The following LATS1 variants were observed in gnomAD, a reference collection of about 807,000 sequenced individuals.
LATS1 encodes serine/threonine-protein kinase LATS1.
A neutral mutation model predicts 106.6 loss-of-function variants in LATS1; 25 were observed. That is an observed-to-expected ratio of 0.23 (90% CI 0.17 to 0.33). LATS1 has a LOEUF of 0.33. Ranked by LOEUF, LATS1 falls within the 10% of genes least tolerant of loss-of-function variation. The probability of loss-of-function intolerance (pLI) is 1.00; values close to 1 mark genes in which losing one functional copy is unlikely to be tolerated. For missense variants in LATS1, 1,040 were observed against 1,382.6 expected (o/e 0.75, Z 3.93); for synonymous variants, 465 against 455.6 (o/e 1.02, Z -0.26).
At chr6:149,662,300 A>G (rs1297574482) in intron 7 of LATS1, 62 bp from the exon 8 acceptor site, 1 of 1,327,516 alleles carries the variant, frequency 7.5e-7, no homozygotes, top group Non-Finnish European at 1.0e-6. Context: ...ATTTCCTTCA[A>G]GTTTTATACC....
chr6:149,679,204 A>G (rs1384683673), intron 5 of LATS1, among the ~76,000 whole-genome samples: 4 of 152,136 alleles, frequency 2.6e-5, no homozygotes, highest in African/African-American at 4.8e-5. Flanking sequence ...AGTACTGATA[A>G]TCTAGTTCTT....
At chr6:149,671,982 A>G (rs568137025) in intron 7 of LATS1, among the ~76,000 whole-genome samples, 3 of 151,636 alleles carry the variant, frequency 2.0e-5, no homozygotes, top group African/African-American at 7.3e-5. Flanking sequence ...TCCTCCTCCC[A>G]GATTCAAGCT....
chr6:149,717,122 G>A (rs757296135), intron 1 of LATS1, among the ~76,000 whole-genome samples: 17 of 152,076 alleles, frequency 1.1e-4, no homozygotes, highest in Non-Finnish European at 2.4e-4. Context: ...ACTTCTGGAG[G>A]ATGATACATG....
At chr6:149,674,494 C>G (rs141698854) in intron 7 of LATS1, among the ~76,000 whole-genome samples, 1 of 152,228 alleles carries the variant, frequency 6.6e-6, no homozygotes, top group Non-Finnish European at 1.5e-5. Flanking sequence ...ACCTTAGCCT[C>G]CCAGGTAGCT....
At chr6:149,687,875 T>TG (rs1258928480) in intron 3 of LATS1, among the ~76,000 whole-genome samples, 3 of 142,604 alleles carry the variant, frequency 2.1e-5, no homozygotes, top group African/African-American at 7.7e-5. Context: ...ACCCTCCTCT[T>TG]TTTTTTTTTT....
chr6:149,709,243 C>G (rs775150122), intron 1 of LATS1, among the ~76,000 whole-genome samples: 3 of 152,176 alleles, frequency 2.0e-5, no homozygotes, highest in Non-Finnish European at 4.4e-5. Flanking sequence ...CTGACCAGCA[C>G]TAACATTAAA....
At chr6:149,678,208 G>A (rs1425463744) in intron 5 of LATS1, among the ~76,000 whole-genome samples, 1 of 149,148 alleles carries the variant, frequency 6.7e-6, no homozygotes, top group African/African-American at 2.5e-5. Context: ...GCCGGGCGTG[G>A]TTGCCGGCGG....
At chr6:149,679,329 A>G (rs934175878) in intron 5 of LATS1, among the ~76,000 whole-genome samples, 2 of 152,224 alleles carry the variant, frequency 1.3e-5, no homozygotes, top group Middle Eastern at 3.4e-3. Flanking sequence ...AGACAGGTGG[A>G]TCACCTGAGG....
Position 149,684,159 on chromosome 6 carries a change from C to T in LATS1, c.930G>A (p.Met310Ile). 1 of 1,614,198 alleles carries T rather than the reference C, an allele frequency of 6.2e-7. No homozygotes were observed. The highest frequency in any genetic ancestry group is 1.3e-5 in the African/African-American group (1 of 75,054). ...CTCTCTGTCCTTGATTAGGAGGATT[C>T]ATGGGGGAAGTGTTGAGAGGTGGTG... ...YPPPPLNTSP[M>I]NPPNQGQRGI... The change falls in exon 4 of 8, where the codon ATG becomes ATA. Residue 310 changes from methionine to isoleucine, a missense_variant. Physicochemically the swap from Met to Ile is conservative, Grantham distance 10. Around this residue, in one of 7 missense-constraint regions of LATS1, gnomAD observed 624 missense variants for 714.8 expected, o/e 0.87. Transcript: ENST00000543571.
intron 5 of LATS1, among the ~76,000 whole-genome samples, chr6:149,678,633 T>C (rs1164276745): frequency 1.3e-5 from 2 of 152,202 alleles, no homozygotes; most frequent in Non-Finnish European, 2.9e-5. Context: ...TTAGAATATA[T>C]GGTTAAGCAC....
At chr6:149,711,499 G>A (rs1211302841) in intron 1 of LATS1, among the ~76,000 whole-genome samples, 1 of 152,074 alleles carries the variant, frequency 6.6e-6, no homozygotes, top group Non-Finnish European at 1.5e-5. Context: ...AGCGGAGATT[G>A]TGCCACTGCA....
intron 5 of LATS1, among the ~76,000 whole-genome samples, chr6:149,677,204 G>A (rs1444603457): frequency 6.6e-6 from 1 of 152,190 alleles, no homozygotes; most frequent in Admixed American, 6.5e-5. Context: ...TCAACACAGG[G>A]TGATGTAACA....
At position 149,683,170 on chromosome 6, in the gene LATS1, T is replaced by G; in HGVS notation, c.1919A>C (p.Lys640Thr). ...RIQSYSPQAF[K>T]FFMEQHVENV... is the part of the protein sequence containing the mutation. Reference sequence around the variant, plus strand: ...TTCTACATGTTGCTCCATAAAGAATTTAAATGCTTGAGGAGAATAACTTTG... The same window carrying G: ...TTCTACATGTTGCTCCATAAAGAATGTAAATGCTTGAGGAGAATAACTTTG... Residue 640 changes from lysine to threonine, a missense_variant, in exon 4 of 8, where the codon AAA becomes ACA. Around this residue, in one of 7 missense-constraint regions of LATS1, gnomAD observed 167 missense variants for 332.1 expected, o/e 0.50. Coordinates refer to ENST00000543571, the MANE Select transcript of LATS1 (RefSeq NM_004690.4). The G allele has an allele frequency of 6.2e-7, 1 of 1,613,934 alleles. No individual in the cohort carries two copies.
rs1252417622 is a variant in LATS1 at position 149,718,092 on chromosome 6, G to C, written c.-384C>G. On this transcript the variant is annotated 5_prime_UTR_variant, in exon 1 of 8. Coordinates refer to ENST00000543571, the MANE Select transcript of LATS1 (RefSeq NM_004690.4). ...CCTTCCACTCAGTGTCGCCGCCGCC[G>C]CACTCCGCTGCAGGTTTCCCGGATG... 1 of 297,262 alleles carries C rather than the reference G, an allele frequency of 3.4e-6. No individual in the cohort carries two copies. The highest frequency in any genetic ancestry group is 6.0e-5 in the Admixed American group (1 of 16,606). The allele number at this position is 297,262 out of a possible 1,614,324, so 18.4% of individuals were successfully genotyped here.
At chr6:149,710,052 G>A (rs966989848) in intron 1 of LATS1, among the ~76,000 whole-genome samples, 5 of 152,130 alleles carry the variant, frequency 3.3e-5, no homozygotes, top group Non-Finnish European at 1.5e-5. Context: ...TCGACCAACT[G>A]CCAATCAGAA....
chr6:149,690,196 T>A (rs997766913), intron 3 of LATS1, among the ~76,000 whole-genome samples: 1 of 150,510 alleles, frequency 6.6e-6, no homozygotes, highest in Admixed American at 6.7e-5. Context: ...TACATATATG[T>A]ATTCTTTTCT....
At position 149,680,168 on chromosome 6, in the gene LATS1, C is replaced by T. The variant is rs779067408; in HGVS notation, c.2300G>A (p.Arg767His). Residue 767 changes from arginine (R) to histidine (H), a missense_variant, in exon 5 of 8, where the codon CGT (arginine) becomes CAT (histidine). By Grantham distance (29) the Arg-to-His change is conservative (BLOSUM62 0). Coordinates refer to ENST00000543571, the MANE Select transcript of LATS1 (RefSeq NM_004690.4). Reference sequence around the variant, plus strand: ...CTTATCTTGGAATGAATAATATAGACGAACTACCCATTCATTGTCAGCTTC... The same window carrying T: ...CTTATCTTGGAATGAATAATATAGATGAACTACCCATTCATTGTCAGCTTC... Reference protein sequence around the residue: ...LAEADNEWVVRLYYSFQDKDN... With the variant: ...LAEADNEWVVHLYYSFQDKDN... The T allele has an allele frequency of 2.8e-5, 45 of 1,613,970 alleles. No homozygotes were observed. Among genetic ancestry groups the T allele is most frequent in the Non-Finnish European group, 3.6e-5 (43 of 1,179,988 alleles).
chr6:149,681,428 G>T (rs1782028288), intron 4 of LATS1, among the ~76,000 whole-genome samples: 1 of 152,194 alleles, frequency 6.6e-6, no homozygotes, highest in South Asian at 2.1e-4. Context: ...GCCAGACTTA[G>T]TTCAGAACTG....
intron 4 of LATS1, among the ~76,000 whole-genome samples, chr6:149,682,415 C>CTTT (rs869175355): frequency 2.2e-5 from 3 of 138,332 alleles, no homozygotes; most frequent in African/African-American, 5.2e-5. Context: ...TTTCTTTTTT[C>CTTT]TTTTTTTTTT....
Sources: allele counts gnomAD v4.1 joint callset (sites outside exome capture counted in the v4.1 genomes callset), GRCh38; gene constraint gnomAD v4.1.1; regional missense constraint gnomAD v4.1.1; transcripts MANE v1.5; gene names NCBI Gene and HGNC (gene_info 2026-07-23, HGNC 2026-07-21).